The following HECTD4 variants were observed in gnomAD, a reference collection of about 807,000 sequenced individuals.
The protein encoded by HECTD4 is HECT domain E3 ubiquitin protein ligase 4, also known as probable E3 ubiquitin-protein ligase HECTD4.
A neutral mutation model predicts 471.5 loss-of-function variants in HECTD4; 114 were observed. The observed-to-expected ratio is 0.24, with a 90% CI of 0.21 to 0.28. The LOEUF is 0.28. Ranked by LOEUF, HECTD4 falls within the 10% of genes least tolerant of loss-of-function variation. HECTD4 has a pLI of 1.00. For missense variants in HECTD4, 3,866 were observed against 5,651.5 expected, an observed-to-expected ratio of 0.68 and a Z score of 10.13; for synonymous variants, 2,012 against 2,256.0, an observed-to-expected ratio of 0.89 and a Z score of 3.07.
chr12:112,370,631 G>A (rs1441680838), intron 1 of HECTD4, among the ~76,000 whole-genome samples: 6 of 152,006 alleles, frequency 3.9e-5, no homozygotes, highest in South Asian at 2.1e-4. Flanking sequence ...ATTTTAAAAT[G>A]GTCTTGAAGA....
Position 112,193,635 on chromosome 12 carries a change from G to C in HECTD4, c.8789C>G (p.Ser2930Cys). The C allele has an allele frequency of 6.2e-7, 1 of 1,613,108 alleles. No individual in the cohort carries two copies. The highest frequency in any genetic ancestry group is 8.5e-7 in the Non-Finnish European group (1 of 1,179,540). Residue 2930 changes from serine (S) to cysteine (C), a missense_variant, in exon 57 of 76, where the codon TCT becomes TGT. By Grantham distance (112) the Ser-to-Cys change is moderately radical. Coordinates refer to ENST00000682272, the MANE Select transcript of HECTD4 (RefSeq NM_001388303.1). The surrounding 1 kb of genome is among the most constrained non-coding windows in gnomAD (Gnocchi z 5.2). ...ISSSSILLAQ[S>C]LQHCIHSQNC... is the part of the protein sequence containing the mutation. ...CTGGGAATGGATGCAATGCTGTAAA[G>C]ACTGCGCCAGGAGGATCGAGCTGGA... is the stretch of plus-strand genomic sequence containing the variant.
chr12:112,200,505 T>C lies in HECTD4; in HGVS notation c.8567+133A>G, dbSNP rs1241812509. The stretch of plus-strand genomic sequence containing the variant: ...CCTCCTGCAATTTTGCTGTTATCTT[T>C]ATTAGCTGCCTTCTCTAAGTGTTAG... On this transcript the variant is annotated intron_variant, in intron 55 of 75. Coordinates refer to ENST00000682272, the MANE Select transcript of HECTD4 (RefSeq NM_001388303.1). The C allele has an allele frequency of 3.1e-6, 3 of 973,634 alleles. No individual in the cohort carries two copies. The Admixed American group carries it at 9.2e-5, about 30-fold the overall frequency. The allele number at this position is 973,634 out of a possible 1,614,324, so 60.3% of individuals were successfully genotyped here. A position where few individuals can be genotyped will look rare whatever the true frequency, so the allele number is the denominator to read the frequency against.
At chr12:112,291,523 C>T (rs987852859) in intron 7 of HECTD4, among the ~76,000 whole-genome samples, 1 of 151,874 alleles carries the variant, frequency 6.6e-6, no homozygotes, top group South Asian at 2.1e-4. Context: ...GTCACTTGAG[C>T]CCAGGAGTTC....
intron 7 of HECTD4, among the ~76,000 whole-genome samples, chr12:112,304,931 T>C (rs1005765313): frequency 2.0e-5 from 3 of 152,144 alleles, no homozygotes; most frequent in Admixed American, 2.0e-4. Flanking sequence ...TGCTTCGGTG[T>C]TTTTGTTTTT....
intron 1 of HECTD4, among the ~76,000 whole-genome samples, chr12:112,376,001 G>C (rs1040010877): frequency 5.9e-5 from 9 of 151,678 alleles, no homozygotes; most frequent in African/African-American, 9.7e-5. Flanking sequence ...CCTTGAACCT[G>C]AGAGGCAGAG....
At chr12:112,360,206 C>A (rs2036424031) in intron 1 of HECTD4, among the ~76,000 whole-genome samples, 3 of 152,280 alleles carry the variant, frequency 2.0e-5, no homozygotes, top group Non-Finnish European at 4.4e-5. Context: ...ATAGTCCCAG[C>A]TACTTGGGAG....
At chr12:112,297,824 A>G (rs1185136412) in intron 7 of HECTD4, among the ~76,000 whole-genome samples, 1 of 152,186 alleles carries the variant, frequency 6.6e-6, no homozygotes, top group Non-Finnish European at 1.5e-5. Context: ...TTTGAGCATC[A>G]TCAACATATA....
intron 65 of HECTD4, 96 bp from the exon 66 acceptor site, chr12:112,175,955 G>A: frequency 2.7e-6 from 4 of 1,463,878 alleles, no homozygotes; most frequent in Non-Finnish European, 3.7e-6. Flanking sequence ...CTCCCCTACG[G>A]CCCAACCCAT....
At chr12:112,223,128 G>C (rs1039212646) in intron 44 of HECTD4, among the ~76,000 whole-genome samples, 1 of 152,154 alleles carries the variant, frequency 6.6e-6, no homozygotes, top group Non-Finnish European at 1.5e-5. Context: ...GGTTCCGGTA[G>C]CCTGCTGTCT....
At chr12:112,192,788 T>A in intron 58 of HECTD4, 23 bp from the exon 59 acceptor site, 1 of 1,538,884 alleles carries the variant, frequency 6.5e-7, no homozygotes, top group Non-Finnish European at 8.8e-7. Context: ...GATGGGTGGG[T>A]GTTAATACAG....
chr12:112,346,539 A>C (rs2036154618), intron 1 of HECTD4, among the ~76,000 whole-genome samples: 1 of 152,230 alleles, frequency 6.6e-6, no homozygotes. Context: ...AAGATGAGCT[A>C]TTTAAATGCC....
intron 32 of HECTD4, among the ~76,000 whole-genome samples, chr12:112,240,651 A>G (rs956684910): frequency 2.6e-5 from 4 of 151,832 alleles, no homozygotes; most frequent in African/African-American, 9.7e-5. Flanking sequence ...ATGTTTCGCT[A>G]TGTTGCCCAG....
intron 1 of HECTD4, among the ~76,000 whole-genome samples, chr12:112,345,719 C>T (rs558893435): frequency 6.6e-6 from 1 of 152,084 alleles, no homozygotes; most frequent in Non-Finnish European, 1.5e-5. Context: ...CACAGTGAAA[C>T]CCCGTCTCTA....
intron 54 of HECTD4, chr12:112,203,077 C>T (rs975603666): frequency 6.6e-6 from 1 of 152,246 alleles, no homozygotes; most frequent in African/African-American, 2.4e-5. Context: ...TAGCCTCCCA[C>T]ATAGCTGGGA....
chr12:112,177,377 ATTTTT>A (rs766400935), intron 64 of HECTD4, among the ~76,000 whole-genome samples: 1 of 127,276 alleles, frequency 7.9e-6, no homozygotes, highest in Admixed American at 8.2e-5. Context: ...TTATGAGGCT[ATTTTT>A]TTTTTTTTTT....
At chr12:112,284,481 A>G (rs1005628243) in intron 7 of HECTD4, among the ~76,000 whole-genome samples, 2 of 152,240 alleles carry the variant, frequency 1.3e-5, no homozygotes, top group African/African-American at 2.4e-5. Flanking sequence ...AAGGGGCAAG[A>G]GAAAGTGAGT....
chr12:112,179,589 G>C lies in HECTD4; in HGVS notation c.10988-192C>G, dbSNP rs2031589134. Among the ~76,000 whole-genome samples, 1 of 152,244 alleles carries C rather than the reference G, an allele frequency of 6.6e-6. No homozygotes were observed. Among genetic ancestry groups the C allele is most frequent in the Non-Finnish European group, 1.5e-5 (1 of 68,048 alleles). The stretch of plus-strand genomic sequence containing the variant: ...ACATGCCCAGCCTTCCTTGCCGTAA[G>C]GTGCGGCCCTGCAACCGTGGTCACT... On this transcript the variant is annotated intron_variant, in intron 62 of 75. Coordinates refer to ENST00000682272, the MANE Select transcript of HECTD4 (RefSeq NM_001388303.1). The surrounding 1 kb of genome is among the most constrained non-coding windows in gnomAD (Gnocchi z 4.3).
chr12:112,364,084 T>C (rs1194070867), intron 1 of HECTD4, among the ~76,000 whole-genome samples: 1 of 151,016 alleles, frequency 6.6e-6, no homozygotes, highest in Non-Finnish European at 1.5e-5. Context: ...ATATTACAAC[T>C]GTTGAGAAGT....
At chr12:112,211,951 G>A (rs2032775846) in intron 49 of HECTD4, among the ~76,000 whole-genome samples, 1 of 152,146 alleles carries the variant, frequency 6.6e-6, no homozygotes, top group South Asian at 2.1e-4. Context: ...TTTAGGGAAA[G>A]GTCTGGGATA....
Sources: gnomAD v4.1 joint callset for allele counts (sites outside exome capture counted in the v4.1 genomes callset) on GRCh38, gnomAD v4.1.1 for gene constraint, Gnocchi (gnomAD v3.1) non-coding constraint, MANE v1.5 for transcripts, NCBI Gene and HGNC (gene_info 2026-07-23, HGNC 2026-07-21) for gene names.